Variants in RBMS3 observed in about 807,000 individuals in gnomAD.
The protein encoded by RBMS3 is RNA binding motif single stranded interacting protein 3.
In RBMS3, 27 loss-of-function variants were observed where a neutral mutation model predicts 66.8. The ratio of observed to expected loss-of-function variants is 0.40; its 90% CI spans 0.30 to 0.56. The LOEUF is 0.56. Ranked by LOEUF, RBMS3 falls within the 20% of genes least tolerant of loss-of-function variation. The probability of loss-of-function intolerance (pLI) is 0.40; values close to 1 mark genes in which losing one functional copy is unlikely to be tolerated. For missense variants in RBMS3, 513 were observed against 549.5 expected (o/e 0.93, Z 0.66); for synonymous variants, 188 against 183.0 (o/e 1.03, Z -0.22).
intron 3 of RBMS3, among the ~76,000 whole-genome samples, chr3:29,558,422 A>G (rs1413484354): frequency 6.6e-6 from 1 of 152,236 alleles, no homozygotes; most frequent in Non-Finnish European, 1.5e-5. Flanking sequence ...TTAGACATAT[A>G]TCCTGATATT....
At chr3:29,817,255 T>A (rs887988183) in intron 6 of RBMS3, among the ~76,000 whole-genome samples, 4 of 149,748 alleles carry the variant, frequency 2.7e-5, no homozygotes, top group Admixed American at 2.0e-4. Flanking sequence ...TGGCACAATC[T>A]TGGCTCACTG....
chr3:29,715,796 G>GT (rs2053368812), intron 4 of RBMS3, among the ~76,000 whole-genome samples: 2 of 152,130 alleles, frequency 1.3e-5, no homozygotes, highest in South Asian at 4.1e-4. Flanking sequence ...CTGAGACATT[G>GT]TAAGTGTTCA....
chr3:29,970,410 A>G (rs1432430425), intron 12 of RBMS3, among the ~76,000 whole-genome samples: 1 of 151,880 alleles, frequency 6.6e-6, no homozygotes, highest in Non-Finnish European at 1.5e-5. Flanking sequence ...AATAATGAGC[A>G]CTTCTGGTTT....
At chr3:29,283,468 C>T (rs1032765747) in intron 1 of RBMS3, among the ~76,000 whole-genome samples, 5 of 151,610 alleles carry the variant, frequency 3.3e-5, no homozygotes, top group African/African-American at 9.7e-5. Flanking sequence ...AAAGTGTGTG[C>T]GAGAGAGAGA....
At chr3:29,712,989 T>G (rs925542583) in intron 4 of RBMS3, among the ~76,000 whole-genome samples, 2 of 152,276 alleles carry the variant, frequency 1.3e-5, no homozygotes, top group Admixed American at 1.3e-4. Flanking sequence ...AAGAGAGAGA[T>G]ATCTCTTATT....
intron 5 of RBMS3, among the ~76,000 whole-genome samples, chr3:29,745,894 T>C (rs1344093399): frequency 8.3e-6 from 1 of 120,920 alleles, no homozygotes; most frequent in South Asian, 3.1e-4. Context: ...TTCTTTTCAT[T>C]AAGTAAAAAA....
chr3:29,943,494 T>C (rs1388229687), intron 11 of RBMS3, among the ~76,000 whole-genome samples: 2 of 151,806 alleles, frequency 1.3e-5, no homozygotes, highest in Non-Finnish European at 2.9e-5. Context: ...ATGTAACCCC[T>C]AATTTTGAAA....
At chr3:29,892,997 A>G (rs76033060) in intron 8 of RBMS3, among the ~76,000 whole-genome samples, 226 of 151,408 alleles carry the variant, frequency 1.5e-3, no homozygotes, top group African/African-American at 5.0e-3. Context: ...TTTTCTTTAG[A>G]TAGGTACCTC....
At chr3:29,340,559 C>T (rs1179973716) in intron 1 of RBMS3, among the ~76,000 whole-genome samples, 1 of 152,062 alleles carries the variant, frequency 6.6e-6, no homozygotes, top group Non-Finnish European at 1.5e-5. Context: ...AGCGTCAGTT[C>T]CAAGTTTGTA....
intron 3 of RBMS3, among the ~76,000 whole-genome samples, chr3:29,549,344 C>A (rs937466823): frequency 1.3e-5 from 2 of 151,554 alleles, no homozygotes; most frequent in African/African-American, 4.8e-5. Context: ...TCCTCTAGTC[C>A]TGGTCATTTT....
At chr3:29,931,935 A>G (rs934719318) in intron 10 of RBMS3, among the ~76,000 whole-genome samples, 2 of 152,216 alleles carry the variant, frequency 1.3e-5, no homozygotes, top group Admixed American at 6.5e-5. Context: ...ACTATAGGCA[A>G]TCGTATAATA....
chr3:29,939,515 G>T (rs895631001), intron 11 of RBMS3, among the ~76,000 whole-genome samples: 8 of 151,744 alleles, frequency 5.3e-5, no homozygotes, highest in African/African-American at 1.9e-4. Flanking sequence ...GACCCAGGGT[G>T]GTCTCACTTT....
intron 1 of RBMS3, among the ~76,000 whole-genome samples, chr3:29,384,005 T>C (rs2038889214): frequency 1.3e-5 from 2 of 152,086 alleles, no homozygotes. Flanking sequence ...CCTGAGGTGG[T>C]TGGTAATGGT....
intron 4 of RBMS3, among the ~76,000 whole-genome samples, chr3:29,703,250 A>G (rs1235200122): frequency 1.3e-5 from 2 of 152,240 alleles, no homozygotes; most frequent in Non-Finnish European, 2.9e-5. Flanking sequence ...ACGGAGCTGT[A>G]CTGTCTTCTC....
At chr3:29,551,908 C>T (rs1313324416) in intron 3 of RBMS3, among the ~76,000 whole-genome samples, 2 of 152,140 alleles carry the variant, frequency 1.3e-5, no homozygotes, top group African/African-American at 4.8e-5. Flanking sequence ...TTCCCATTCC[C>T]TGCTGCACAC....
At chr3:29,328,939 T>G (rs2035494819) in intron 1 of RBMS3, among the ~76,000 whole-genome samples, 2 of 152,004 alleles carry the variant, frequency 1.3e-5, no homozygotes, top group South Asian at 4.1e-4. Context: ...CATGAAAGAG[T>G]GTTCAGATGT....
chr3:29,350,759 T>C (rs2036861956), intron 1 of RBMS3, among the ~76,000 whole-genome samples: 1 of 152,152 alleles, frequency 6.6e-6, no homozygotes, highest in African/African-American at 2.4e-5. Context: ...GTTTTTCTTT[T>C]AATGTTAAGG....
At chr3:29,840,745 A>T (rs543369255) in intron 6 of RBMS3, among the ~76,000 whole-genome samples, 69 of 152,164 alleles carry the variant, frequency 4.5e-4, no homozygotes, top group African/African-American at 1.6e-3. Flanking sequence ...CCATATTTAT[A>T]TAAACTGCTC....
In RBMS3 at chr3:30,004,610, G is replaced by GA. The variant is rs1346902076; in HGVS notation, c.*753dup. ...TAAACCATGGCAACTGCAAGAATTG[G>GA]AAAAATGCTGGGACTTTTCATGAAC... is the stretch of plus-strand genomic sequence containing the variant. On this transcript the variant is annotated 3_prime_UTR_variant, in exon 15 of 15. Coordinates refer to ENST00000383767, the MANE Select transcript of RBMS3 (RefSeq NM_001003793.3). 1 of 152,076 alleles carries GA rather than the reference G, an allele frequency of 6.6e-6. No homozygotes were observed. Among genetic ancestry groups the GA allele is most frequent in the African/African-American group, 2.4e-5 (1 of 41,346 alleles). 9.4% of individuals were successfully genotyped at this position (152,076 alleles called of 1,614,324 possible).
Sources: allele counts gnomAD v4.1 joint callset (sites outside exome capture counted in the v4.1 genomes callset), GRCh38; gene constraint gnomAD v4.1.1; transcripts MANE v1.5; gene names NCBI Gene and HGNC (gene_info 2026-07-23, HGNC 2026-07-21).